LRTM3: variants seen among roughly 807,000 people sequenced by gnomAD.
LRTM3 encodes leucine rich repeat transmembrane protein 3, also known as leucine-rich repeat transmembrane protein 3.
the LRTM3 span, among the ~76,000 whole-genome samples, chr13:102,754,630 G>A: frequency 6.6e-6 from 1 of 152,172 alleles, no homozygotes; most frequent in Non-Finnish European, 1.5e-5. Context: ...AGACTTGGAA[G>A]CAGAAGCAGG....
At chr13:102,746,340 A>T in the LRTM3 span, 1 of 1,550,754 alleles carries the variant, frequency 6.4e-7, no homozygotes, top group Non-Finnish European at 8.7e-7. Context: ...CTGTCATGGG[A>T]TATGCTATTC....
At chr13:102,746,895 T>C in the LRTM3 span, 1 of 1,551,276 alleles carries the variant, frequency 6.4e-7, no homozygotes, top group Non-Finnish European at 8.7e-7. Context: ...GTTTGTGTTT[T>C]TTGAGTACTC....
chr13:102,747,395 A>G, the LRTM3 span: 1 of 1,549,790 alleles, frequency 6.5e-7, no homozygotes, highest in Non-Finnish European at 8.7e-7. Flanking sequence ...AATATAAGGC[A>G]TCAGTGAGAT....
At chr13:102,734,606 A>T in the LRTM3 span, 1 of 1,550,672 alleles carries the variant, frequency 6.4e-7, no homozygotes, top group Non-Finnish European at 8.7e-7. Flanking sequence ...TTTTTGAGGG[A>T]TATGTTGCTT....
chr13:102,735,577 T>C, the LRTM3 span: 2 of 1,551,112 alleles, frequency 1.3e-6, no homozygotes, highest in Admixed American at 2.0e-5. Flanking sequence ...TGAGTATATC[T>C]GAGAGTAGTA....
chr13:102,744,561 G>C, the LRTM3 span: 1 of 1,550,478 alleles, frequency 6.4e-7, no homozygotes, highest in East Asian at 2.4e-5. Context: ...TCTCTAAAGT[G>C]TGTTTCTTGC....
At chr13:102,738,184 T>C in the LRTM3 span, 1 of 1,550,998 alleles carries the variant, frequency 6.4e-7, no homozygotes, top group East Asian at 2.4e-5. Flanking sequence ...CTTTGTCTTC[T>C]GGATGCATTA....
At chr13:102,732,238 A>T in the LRTM3 span, 1 of 1,551,376 alleles carries the variant, frequency 6.4e-7, no homozygotes, top group East Asian at 2.4e-5. Context: ...TGTGAGGTGA[A>T]CGCATGATGG....
the LRTM3 span, chr13:102,730,080 T>G: frequency 1.3e-6 from 2 of 1,551,088 alleles, no homozygotes; most frequent in South Asian, 2.4e-5. Context: ...GGAGATTTCA[T>G]TTTGGAAGAT....
the LRTM3 span, chr13:102,748,919 G>A: frequency 5.8e-6 from 9 of 1,550,324 alleles, no homozygotes; most frequent in South Asian, 8.3e-5. Flanking sequence ...CTCCTCAAGA[G>A]GACCTGCATA....
At chr13:102,740,353 T>A in the LRTM3 span, 1 of 1,550,194 alleles carries the variant, frequency 6.5e-7, no homozygotes, top group Non-Finnish European at 8.7e-7. Flanking sequence ...TTATAGTGCT[T>A]AGCTGATCTG....
At chr13:102,745,521 C>G in the LRTM3 span, 1 of 1,551,010 alleles carries the variant, frequency 6.4e-7, no homozygotes, top group Non-Finnish European at 8.7e-7. Context: ...GGACCAGCAC[C>G]AGCCCTGATA....
the LRTM3 span, among the ~76,000 whole-genome samples, chr13:102,758,131 A>G: frequency 2.0e-5 from 3 of 152,200 alleles, no homozygotes; most frequent in Non-Finnish European, 4.4e-5. Flanking sequence ...TGTTGGAGAG[A>G]GAGTTAGAGT....
the LRTM3 span, chr13:102,735,232 C>CA: frequency 6.4e-7 from 1 of 1,551,304 alleles, no homozygotes; most frequent in South Asian, 1.2e-5. Context: ...TGTTGGGATC[C>CA]AGTACACTGG....
At chr13:102,738,072 C>T in the LRTM3 span, 11 of 1,550,462 alleles carry the variant, frequency 7.1e-6, no homozygotes, top group Non-Finnish European at 9.6e-6. Flanking sequence ...TCCTCACCTT[C>T]TCTGTCCTCT....
the LRTM3 span, among the ~76,000 whole-genome samples, chr13:102,753,114 A>G: frequency 6.6e-6 from 1 of 152,240 alleles, no homozygotes; most frequent in African/African-American, 2.4e-5. Flanking sequence ...AATGTGGCAC[A>G]TATACACCAT....
chr13:102,756,673 T>TAAAAAAAAA, the LRTM3 span, among the ~76,000 whole-genome samples: 32 of 66,944 alleles, frequency 4.8e-4, no homozygotes, highest in Admixed American at 8.5e-4. Flanking sequence ...AAACTCTGTC[T>TAAAAAAAAA]AAAAAAAAAA....
the LRTM3 span, among the ~76,000 whole-genome samples, chr13:102,753,869 C>A: frequency 0.71 from 107,766 of 152,084 alleles, 39,633 homozygotes; most frequent in South Asian, 0.84. Flanking sequence ...AATCCCATTT[C>A]TGAGTGATTA....
chr13:102,735,480 T>C, the LRTM3 span: 2 of 1,551,238 alleles, frequency 1.3e-6, no homozygotes, highest in Non-Finnish European at 1.7e-6. Flanking sequence ...GAAGTATTAA[T>C]GCTTGGCAGT....
Sources: allele counts gnomAD v4.1 joint callset (sites outside exome capture counted in the v4.1 genomes callset), GRCh38; gene constraint gnomAD v4.1.1; transcripts MANE v1.5; gene names NCBI Gene and HGNC (gene_info 2026-07-23, HGNC 2026-07-21).